The following CNTN3 variants were observed in gnomAD, a reference collection of about 807,000 sequenced individuals.
CNTN3 encodes the protein contactin-3.
CNTN3 carries 60 observed loss-of-function variants against 119.1 expected under a neutral mutation model. The observed-to-expected ratio is 0.50, with a 90% CI of 0.41 to 0.62. The LOEUF is 0.62. CNTN3 is among the 20% of genes least tolerant of loss of function. The pLI is 0.00. For missense variants in CNTN3, 1,101 were observed against 1,242.4 expected, an observed-to-expected ratio of 0.89 and a Z score of 1.71; for synonymous variants, 450 against 438.7, an observed-to-expected ratio of 1.03 and a Z score of -0.32.
At chr3:74,268,982 T>C (rs2106745959) in intron 20 of CNTN3, among the ~76,000 whole-genome samples, 1 of 150,714 alleles carries the variant, frequency 6.6e-6, no homozygotes, top group South Asian at 2.1e-4. Flanking sequence ...TTATCTTGTA[T>C]GAGTCACAAC....
intron 13 of CNTN3, among the ~76,000 whole-genome samples, chr3:74,332,780 T>C (rs1162983119): frequency 6.6e-6 from 1 of 152,228 alleles, no homozygotes; most frequent in Non-Finnish European, 1.5e-5. Flanking sequence ...TTATCTTCAT[T>C]ATAATGGCAA....
At chr3:74,410,635 T>G (rs535138507) in intron 5 of CNTN3, among the ~76,000 whole-genome samples, 1 of 152,154 alleles carries the variant, frequency 6.6e-6, no homozygotes. Context: ...ATAGGCCTTC[T>G]TAAGAGATTT....
At chr3:74,464,973 T>C (rs1702435547) in intron 4 of CNTN3, among the ~76,000 whole-genome samples, 1 of 152,138 alleles carries the variant, frequency 6.6e-6, no homozygotes, top group South Asian at 2.1e-4. Context: ...GCACCTAAAT[T>C]TGGATGTCCA....
chr3:74,525,588 T>C (rs1703607860), intron 1 of CNTN3, among the ~76,000 whole-genome samples: 1 of 151,940 alleles, frequency 6.6e-6, no homozygotes, highest in Non-Finnish European at 1.5e-5. Context: ...TATTCTACTA[T>C]TCACAGGAAT....
intron 13 of CNTN3, among the ~76,000 whole-genome samples, chr3:74,325,162 G>C (rs2106684147): frequency 6.6e-6 from 1 of 152,056 alleles, no homozygotes; most frequent in East Asian, 1.9e-4. Flanking sequence ...TCTTGAAGCA[G>C]TTTGCATTTT....
chr3:74,566,664 C>A (rs993058130), intron 1 of CNTN3, among the ~76,000 whole-genome samples: 1 of 152,128 alleles, frequency 6.6e-6, no homozygotes, highest in Non-Finnish European at 1.5e-5. Flanking sequence ...AGGGCACACC[C>A]TAATCCAGTA....
At chr3:74,518,129 A>G (rs560520914) in intron 2 of CNTN3, among the ~76,000 whole-genome samples, 4 of 151,958 alleles carry the variant, frequency 2.6e-5, no homozygotes, top group Non-Finnish European at 5.9e-5. Flanking sequence ...CTCTAATAGC[A>G]CTTGCAATAT....
chr3:74,344,385 C>T (rs1169293526), intron 11 of CNTN3, among the ~76,000 whole-genome samples: 1 of 141,512 alleles, frequency 7.1e-6, no homozygotes, highest in Non-Finnish European at 1.5e-5. Flanking sequence ...TCATTTACAA[C>T]CTTACACAGT....
intron 12 of CNTN3, among the ~76,000 whole-genome samples, chr3:74,335,418 T>C (rs1703367574): frequency 6.6e-6 from 1 of 152,058 alleles, no homozygotes; most frequent in Admixed American, 6.6e-5. Flanking sequence ...TGTCTGTTTT[T>C]CCCCAACGCA....
chr3:74,566,289 G>A (rs2106641216), intron 1 of CNTN3, among the ~76,000 whole-genome samples: 1 of 152,252 alleles, frequency 6.6e-6, no homozygotes, highest in Non-Finnish European at 1.5e-5. Flanking sequence ...GCTGAGAGCT[G>A]TTACCACCCC....
chr3:74,370,444 C>T (rs557590047), intron 6 of CNTN3, among the ~76,000 whole-genome samples: 1 of 152,092 alleles, frequency 6.6e-6, no homozygotes, highest in Non-Finnish European at 1.5e-5. Flanking sequence ...ATTATTGCTT[C>T]CTGAAATTTC....
intron 1 of CNTN3, among the ~76,000 whole-genome samples, chr3:74,576,548 T>C (rs1015798927): frequency 1.3e-5 from 2 of 152,114 alleles, no homozygotes; most frequent in Admixed American, 1.3e-4. Context: ...ACATTAATCA[T>C]TTATATGTAA....
chr3:74,393,050 C>T (rs866194150), intron 5 of CNTN3, among the ~76,000 whole-genome samples: 2 of 151,846 alleles, frequency 1.3e-5, no homozygotes, highest in Non-Finnish European at 1.5e-5. Context: ...CACATTGTAC[C>T]TTTTATTGTG....
At chr3:74,390,239 C>T (rs1021538824) in intron 5 of CNTN3, among the ~76,000 whole-genome samples, 2 of 152,200 alleles carry the variant, frequency 1.3e-5, no homozygotes, top group African/African-American at 4.8e-5. Context: ...TGCAGTATTT[C>T]ACCTGGGTGG....
At chr3:74,289,275 C>T (rs1702179002) in intron 19 of CNTN3, among the ~76,000 whole-genome samples, 2 of 152,162 alleles carry the variant, frequency 1.3e-5, no homozygotes. Context: ...TTTATACTTA[C>T]CAAGCATTTG....
intron 5 of CNTN3, among the ~76,000 whole-genome samples, chr3:74,392,244 G>A (rs993977727): frequency 4.6e-5 from 7 of 152,186 alleles, no homozygotes; most frequent in African/African-American, 1.7e-4. Flanking sequence ...AGGGCCTGCT[G>A]AGGCAAGGGA....
intron 21 of CNTN3, among the ~76,000 whole-genome samples, chr3:74,266,997 T>C (rs1575686090): frequency 6.6e-6 from 1 of 152,124 alleles, no homozygotes; most frequent in East Asian, 1.9e-4. Flanking sequence ...TTTTAAGTAG[T>C]ATATAGGTCA....
chr3:74,306,214 C>CAAAAA (rs79818182), intron 13 of CNTN3, among the ~76,000 whole-genome samples: 3 of 84,186 alleles, frequency 3.6e-5, no homozygotes, highest in East Asian at 2.9e-4. Flanking sequence ...GAGAAATGTC[C>CAAAAA]AAAAAAAAAA....
intron 1 of CNTN3, among the ~76,000 whole-genome samples, chr3:74,609,831 T>C (rs1401854173): frequency 1.3e-5 from 2 of 152,186 alleles, no homozygotes; most frequent in Non-Finnish European, 2.9e-5. Flanking sequence ...ATGTGGTAAC[T>C]GCTTACAAGG....
Sources: allele counts gnomAD v4.1 joint callset (sites outside exome capture counted in the v4.1 genomes callset), GRCh38; gene constraint gnomAD v4.1.1; transcripts MANE v1.5; gene names NCBI Gene and HGNC (gene_info 2026-07-23, HGNC 2026-07-21).